The following ADGRL3 variants were observed in gnomAD, a reference collection of about 807,000 sequenced individuals.
ADGRL3 encodes adhesion G protein-coupled receptor L3, also known as calcium-independent alpha-latrotoxin receptor 3.
In ADGRL3, 62 loss-of-function variants were observed where a neutral mutation model predicts 153.5. The ratio of observed to expected loss-of-function variants is 0.40; its 90% confidence interval spans 0.33 to 0.50. ADGRL3 has a LOEUF of 0.50. ADGRL3 is among the 20% of genes least tolerant of loss of function. The pLI is 0.47. For synonymous variants in ADGRL3, 710 were observed against 672.5 expected (o/e 1.06, Z -0.86); for missense variants, 1,641 against 1,859.4 (o/e 0.88, Z 2.16).
chr4:61,248,163 G>C (rs1757826367), intron 1 of ADGRL3, among the ~76,000 whole-genome samples: 1 of 151,914 alleles, frequency 6.6e-6, no homozygotes, highest in African/African-American at 2.4e-5. Context: ...TGCTTCTTTA[G>C]CAGTTAGATC....
At chr4:61,870,090 G>C (rs1405870307) in intron 9 of ADGRL3, among the ~76,000 whole-genome samples, 2 of 151,782 alleles carry the variant, frequency 1.3e-5, no homozygotes, top group Non-Finnish European at 2.9e-5. Context: ...ACTCAATGTG[G>C]TGTTGAGATT....
At chr4:61,809,179 A>G (rs2097581718) in intron 8 of ADGRL3, among the ~76,000 whole-genome samples, 1 of 152,136 alleles carries the variant, frequency 6.6e-6, no homozygotes, top group Admixed American at 6.6e-5. Flanking sequence ...GAAAATGGCG[A>G]AAAGTTGAGT....
intron 8 of ADGRL3, among the ~76,000 whole-genome samples, chr4:61,771,239 A>G (rs1432791018): frequency 6.6e-6 from 1 of 152,182 alleles, no homozygotes; most frequent in Non-Finnish European, 1.5e-5. Context: ...CCCCTGTGCA[A>G]GTTCCCTTAT....
intron 21 of ADGRL3, among the ~76,000 whole-genome samples, chr4:62,012,232 G>A (rs902416943): frequency 5.3e-5 from 8 of 152,094 alleles, no homozygotes; most frequent in Middle Eastern, 3.2e-3. Flanking sequence ...TACTCAAAAC[G>A]TAGTCATAGA....
intron 4 of ADGRL3, among the ~76,000 whole-genome samples, chr4:61,570,887 T>A (rs2098835926): frequency 1.3e-5 from 2 of 152,176 alleles, no homozygotes; most frequent in Admixed American, 6.6e-5. Context: ...CATTTCTGAA[T>A]AAATGCATGT....
chr4:61,271,284 C>G (rs546227554), intron 1 of ADGRL3, among the ~76,000 whole-genome samples: 1 of 151,874 alleles, frequency 6.6e-6, no homozygotes, highest in African/African-American at 2.4e-5. Context: ...ATGACTGTTA[C>G]CGTGTTTTTC....
intron 9 of ADGRL3, among the ~76,000 whole-genome samples, chr4:61,834,903 C>A (rs1424367572): frequency 6.6e-6 from 1 of 152,136 alleles, no homozygotes; most frequent in Admixed American, 6.6e-5. Context: ...TCAGCCCATT[C>A]CCCATGGGAG....
intron 4 of ADGRL3, among the ~76,000 whole-genome samples, chr4:61,583,020 C>T (rs924823546): frequency 2.0e-5 from 3 of 152,060 alleles, no homozygotes; most frequent in African/African-American, 7.2e-5. Flanking sequence ...GATATCCTGA[C>T]ACCTTAAATT....
At chr4:61,584,760 C>T (rs995681651) in intron 4 of ADGRL3, among the ~76,000 whole-genome samples, 2 of 151,792 alleles carry the variant, frequency 1.3e-5, no homozygotes, top group Admixed American at 1.3e-4. Flanking sequence ...ATATTAAGGA[C>T]CTTTTGTGAA....
intron 1 of ADGRL3, among the ~76,000 whole-genome samples, chr4:61,322,708 C>T (rs1163675838): frequency 6.6e-6 from 1 of 152,244 alleles, no homozygotes; most frequent in African/African-American, 2.4e-5. Flanking sequence ...GATGTGTTCT[C>T]ATGGTCTGGG....
intron 23 of ADGRL3, among the ~76,000 whole-genome samples, chr4:62,034,538 A>G (rs1329580292): frequency 6.6e-6 from 1 of 151,888 alleles, no homozygotes; most frequent in African/African-American, 2.4e-5. Context: ...TTTATTTTGT[A>G]TAAAAACTGT....
At chr4:61,532,553 C>CGTGTGTGTGT (rs1344839723) in intron 4 of ADGRL3, among the ~76,000 whole-genome samples, 77 of 131,550 alleles carry the variant, frequency 5.9e-4, no homozygotes, top group Non-Finnish European at 7.2e-4. Flanking sequence ...CGCGCGCGCG[C>CGTGTGTGTGT]GCGTGTGTGT....
chr4:61,904,077 T>C (rs1208730175), intron 11 of ADGRL3, among the ~76,000 whole-genome samples: 1 of 151,784 alleles, frequency 6.6e-6, no homozygotes, highest in Admixed American at 6.6e-5. Context: ...CCTACAAATA[T>C]TTTTATAACC....
chr4:61,404,270 T>C (rs1210679522), intron 2 of ADGRL3, among the ~76,000 whole-genome samples: 1 of 152,048 alleles, frequency 6.6e-6, no homozygotes, highest in Non-Finnish European at 1.5e-5. Context: ...ATAATATATA[T>C]GCCATATACA....
chr4:62,071,710 T>C lies in ADGRL3; in HGVS notation c.*802T>C. 2.3e-6 allele frequency: 1 copy of C among 428,388 alleles called. No individual in the cohort carries two copies. Among genetic ancestry groups the C allele is most frequent in the Non-Finnish European group, 4.6e-6 (1 of 218,164 alleles). The allele number at this position is 428,388 out of a possible 1,614,324, so 26.5% of individuals were successfully genotyped here. A position where few individuals can be genotyped will look rare whatever the true frequency, so the allele number is the denominator to read the frequency against. On this transcript the variant is annotated 3_prime_UTR_variant, in exon 27 of 27. Transcript: ENST00000683033. Reference sequence around the variant, plus strand: ...TTTGTCTACCAGTAAGAGAGCAAAGTTTCCTTCCTTTCTTCTCTTTCTTCA... The same window carrying C: ...TTTGTCTACCAGTAAGAGAGCAAAGCTTCCTTCCTTTCTTCTCTTTCTTCA...
chr4:61,232,191 T>C (rs1750933807), intron 1 of ADGRL3, among the ~76,000 whole-genome samples: 1 of 152,154 alleles, frequency 6.6e-6, no homozygotes, highest in Admixed American at 6.6e-5. Context: ...TTTAAGCTTA[T>C]ATTTTTTTAT....
chr4:61,460,935 T>G (rs1202844285), intron 2 of ADGRL3, among the ~76,000 whole-genome samples: 1 of 151,992 alleles, frequency 6.6e-6, no homozygotes, highest in Non-Finnish European at 1.5e-5. Context: ...CCAGGCGCGG[T>G]GGCAGGCACC....
chr4:61,493,828 TTTC>T (rs1326493219), intron 2 of ADGRL3, among the ~76,000 whole-genome samples: 2 of 152,228 alleles, frequency 1.3e-5, no homozygotes, highest in Non-Finnish European at 2.9e-5. Context: ...TTTCATCCAT[TTTC>T]TTCTTTATTT....
chr4:61,252,831 A>G (rs993929633), intron 1 of ADGRL3, among the ~76,000 whole-genome samples: 2 of 152,022 alleles, frequency 1.3e-5, no homozygotes, highest in African/African-American at 4.8e-5. Flanking sequence ...TCTGCTCATC[A>G]TGTCTGCTAT....
Sources: gnomAD v4.1 joint callset for allele counts (sites outside exome capture counted in the v4.1 genomes callset) on GRCh38, gnomAD v4.1.1 for gene constraint, MANE v1.5 for transcripts, NCBI Gene and HGNC (gene_info 2026-07-23, HGNC 2026-07-21) for gene names.